CD9: variants seen among roughly 807,000 people sequenced by gnomAD.
CD9 encodes the protein CD9 molecule, also known as CD9 antigen.
In CD9, 10 loss-of-function variants were observed where a neutral mutation model predicts 31.4. The ratio of observed to expected loss-of-function variants is 0.32; its 90% CI spans 0.20 to 0.54. The LOEUF is 0.54. Ranked by LOEUF, CD9 falls within the 20% of genes least tolerant of loss-of-function variation. CD9 has a pLI of 0.94. For missense variants in CD9, 259 were observed against 300.1 expected, an observed-to-expected ratio of 0.86 and a Z score of 1.01; for synonymous variants, 113 against 114.1, an observed-to-expected ratio of 0.99 and a Z score of 0.06.
chr12:6,206,895 T>C (rs564213121), intron 1 of CD9, among the ~76,000 whole-genome samples: 37 of 151,372 alleles, frequency 2.4e-4, no homozygotes, highest in Middle Eastern at 3.4e-3. Flanking sequence ...TGGAGGCCCA[T>C]AGACATTTTT....
chr12:6,211,386 C>T (rs907962566), intron 1 of CD9, among the ~76,000 whole-genome samples: 1 of 152,136 alleles, frequency 6.6e-6, no homozygotes, highest in Non-Finnish European at 1.5e-5. Context: ...CTTGGCCTCC[C>T]TTGCTGGCTT....
chr12:6,229,350 G>A (rs1273512452), intron 2 of CD9, among the ~76,000 whole-genome samples: 2 of 152,174 alleles, frequency 1.3e-5, no homozygotes, highest in African/African-American at 4.8e-5. Flanking sequence ...CCTGGCTTGT[G>A]ACCTGGGGCA....
chr12:6,225,802 T>C, intron 2 of CD9: 1 of 459,610 alleles, frequency 2.2e-6, no homozygotes, highest in Non-Finnish European at 3.9e-6. Context: ...TCTGCCAAAG[T>C]TGTACTCATT....
At chr12:6,235,944 C>G in intron 6 of CD9, 1 of 1,401,102 alleles carries the variant, frequency 7.1e-7, no homozygotes, top group Non-Finnish European at 9.3e-7. Context: ...AGAAATAGAC[C>G]CCCAAGCAGG....
chr12:6,207,515 C>T (rs1426260391), intron 1 of CD9, among the ~76,000 whole-genome samples: 3 of 152,234 alleles, frequency 2.0e-5, no homozygotes, highest in Non-Finnish European at 2.9e-5. Flanking sequence ...GTATGATCTT[C>T]CAGCCAGGTT....
Position 6,233,909 on chromosome 12 carries a change from C to G in CD9, c.348+423C>G, listed in dbSNP as rs118068787. ...TGCCCCCATGAGCCAAGTGCTGCCC[C>G]CAAGCCTGTGCAGGGTCCACAGATG... On this transcript the variant is annotated intron_variant, in intron 4 of 7. Coordinates refer to ENST00000009180, the MANE Select transcript of CD9 (RefSeq NM_001769.4). Among the ~76,000 whole-genome samples the G allele has an allele frequency of 8.2e-3, 1,227 of 150,384 alleles. 18 individuals are homozygous for G. Among genetic ancestry groups the G allele is most frequent in the East Asian group, 0.047 (242 of 5,124 alleles).
chr12:6,237,244 G>A (rs1200542044), intron 7 of CD9, among the ~76,000 whole-genome samples: 1 of 152,138 alleles, frequency 6.6e-6, no homozygotes, highest in Non-Finnish European at 1.5e-5. Context: ...CAAAGTGCTG[G>A]GATTACAGGC....
intron 6 of CD9, 64 bp downstream of exon 6, chr12:6,235,629 G>T: frequency 2.6e-6 from 4 of 1,523,486 alleles, no homozygotes; most frequent in Non-Finnish European, 3.5e-6. Context: ...CTGCAAGCAT[G>T]AAAGTGACAG....
At chr12:6,225,312 G>C (rs1946349679) in intron 1 of CD9, 114 bp from the exon 2 acceptor site, 1 of 702,896 alleles carries the variant, frequency 1.4e-6, no homozygotes, top group African/African-American at 1.8e-5. Context: ...CGTATATGAG[G>C]GGCAGAGACC....
rs1229237034 is a variant in CD9 at position 6,235,322 on chromosome 12, T to C, written c.442T>C (p.Tyr148His). ...GCGGGAAACGCTGAAAGCCATCCAC[T>C]ATGCGGTATGTCGCCTTGGCAAAGA... The part of the protein sequence containing the change: ...PQRETLKAIH[Y>H]ALNCCGLAGG... Residue 148 changes from tyrosine (Y) to histidine (H), a missense_variant, in exon 5 of 8, where the codon TAT becomes CAT. By Grantham distance (83) the Tyr-to-His change is moderately conservative (BLOSUM62 2). Transcript: ENST00000009180. 1 of 1,614,124 alleles carries C rather than the reference T, an allele frequency of 6.2e-7. No homozygotes were observed. Among genetic ancestry groups the C allele is most frequent in the Non-Finnish European group, 8.5e-7 (1 of 1,180,028 alleles).
At chr12:6,228,088 G>T (rs740840) in intron 2 of CD9, among the ~76,000 whole-genome samples, 68,866 of 152,116 alleles carry the variant, frequency 0.45, 16,201 homozygotes, top group Middle Eastern at 0.55. Flanking sequence ...CCTAGTTGGG[G>T]TCTAAGGGCC....
chr12:6,225,354 A>G, intron 1 of CD9, 72 bp from the exon 2 acceptor site: 1 of 984,610 alleles, frequency 1.0e-6, no homozygotes, highest in South Asian at 1.3e-5. Context: ...TGCAAGTCTC[A>G]CCCTTAAGCG....
intron 1 of CD9, among the ~76,000 whole-genome samples, chr12:6,212,864 G>A (rs540219505): frequency 6.5e-4 from 99 of 152,260 alleles, no homozygotes; most frequent in African/African-American, 2.3e-3. Context: ...CCTCTCCCCA[G>A]CCTGCCCTTA....
chr12:6,232,871 G>A lies in CD9; in HGVS notation c.273+142G>A. On this transcript the variant is annotated intron_variant, in intron 3 of 7. Transcript: ENST00000009180. This position sits in a 1 kb window ranked among gnomAD's most constrained non-coding sequence, Gnocchi z 4.8. Reference sequence around the variant, plus strand: ...AAGGGCATGAGCTGTCCTCAGCCTGGGCCCCTCCCCGATGTGAGGCGTCGC... The same window carrying A: ...AAGGGCATGAGCTGTCCTCAGCCTGAGCCCCTCCCCGATGTGAGGCGTCGC... The A allele has an allele frequency of 2.8e-6, 2 of 714,158 alleles. No individual in the cohort carries two copies. Among genetic ancestry groups the A allele is most frequent in the Non-Finnish European group, 5.1e-6 (2 of 395,152 alleles). The allele number at this position is 714,158 out of a possible 1,614,324, so 44.2% of individuals were successfully genotyped here.
At chr12:6,223,995 C>T (rs938442264) in intron 1 of CD9, among the ~76,000 whole-genome samples, 4 of 152,166 alleles carry the variant, frequency 2.6e-5, no homozygotes, top group African/African-American at 9.7e-5. Flanking sequence ...CCTTGTCCAG[C>T]CGCGGGGCAT....
At chr12:6,235,828 C>G in intron 6 of CD9, 10 of 1,377,366 alleles carry the variant, frequency 7.3e-6, no homozygotes, top group Non-Finnish European at 9.4e-6. Context: ...GGCAGGCGTG[C>G]TTCTGAGTCT....
intron 1 of CD9, among the ~76,000 whole-genome samples, chr12:6,213,172 T>A (rs932060434): frequency 6.6e-6 from 1 of 152,256 alleles, no homozygotes; most frequent in Non-Finnish European, 1.5e-5. Flanking sequence ...CTGCTGCTGT[T>A]GCTGTAGTTG....
intron 1 of CD9, chr12:6,225,189 T>C: frequency 1.8e-6 from 1 of 544,794 alleles, no homozygotes; most frequent in East Asian, 3.0e-5. Context: ...GCCTATAAAA[T>C]ACCCCTTCAG....
In CD9 at chr12:6,232,628, G is replaced by A. The variant is rs748870085; in HGVS notation, c.176-4G>A. ...GCGTGTGTGCTTCCTCTGTCCTCCC[G>A]CAGGAGTCTATATTCTGATCGGAGC... is the stretch of plus-strand genomic sequence containing the variant. On this transcript the variant is annotated splice_region_variant and splice_polypyrimidine_tract_variant and intron_variant, in intron 2 of 7. Coordinates refer to ENST00000009180, the MANE Select transcript of CD9 (RefSeq NM_001769.4). This position sits in a 1 kb window ranked among gnomAD's most constrained non-coding sequence, Gnocchi z 4.8. 3.9e-6 allele frequency: 6 copies of A among 1,557,616 alleles called. No homozygotes were observed. The highest frequency in any genetic ancestry group is 2.4e-5 in the South Asian group (2 of 85,030).
Sources: gnomAD v4.1 joint callset for allele counts (sites outside exome capture counted in the v4.1 genomes callset) on GRCh38, gnomAD v4.1.1 for gene constraint, Gnocchi (gnomAD v3.1) non-coding constraint, MANE v1.5 for transcripts, NCBI Gene and HGNC (gene_info 2026-07-23, HGNC 2026-07-21) for gene names.